LTA4H: variants seen among roughly 807,000 people sequenced by gnomAD.
LTA4H encodes leukotriene A4 hydrolase, also known as leukotriene A-4 hydrolase.
Under a neutral mutation model 89.8 loss-of-function variants are expected in LTA4H, and 59 were observed. The observed-to-expected ratio is 0.66, with a 90% confidence interval of 0.53 to 0.82. The LOEUF (loss-of-function observed/expected upper bound fraction) is 0.82, where lower values mean the gene tolerates loss of function less well. LTA4H is among the 40% of genes least tolerant of loss of function. The pLI is 0.00. For synonymous variants in LTA4H, 227 were observed against 253.1 expected, an observed-to-expected ratio of 0.90 and a Z score of 0.98; for missense variants, 617 against 727.0, an observed-to-expected ratio of 0.85 and a Z score of 1.74.
intron 16 of LTA4H, among the ~76,000 whole-genome samples, chr12:96,004,181 C>CT (rs1950157495): frequency 6.6e-6 from 1 of 152,126 alleles, no homozygotes; most frequent in Admixed American, 6.5e-5. Flanking sequence ...TCTTCTTAGA[C>CT]TTTTTAGCAT....
Position 96,022,172 on chromosome 12 carries a change from C to T in LTA4H, c.560G>A (p.Arg187Lys). 6.2e-7 allele frequency: 1 copy of T among 1,613,732 alleles called. No individual in the cohort carries two copies. The highest frequency in any genetic ancestry group is 8.5e-7 in the Non-Finnish European group (1 of 1,179,772). The change falls in exon 5 of 19, where the codon AGG becomes AAG. Residue 187 changes from arginine to lysine, a missense_variant. Arg to Lys is a conservative substitution (Grantham distance 26, BLOSUM62 2). This residue lies in a region of LTA4H where 172 missense variants were observed against 244.5 expected (regional missense o/e 0.70). Coordinates refer to ENST00000228740, the MANE Select transcript of LTA4H (RefSeq NM_000895.3). This position sits in a 1 kb window ranked among gnomAD's most constrained non-coding sequence, Gnocchi z 4.0. ...GETPDPEDPSRKIYKFIQKVP... is the reference protein window; with the variant it reads ...GETPDPEDPSKKIYKFIQKVP... ...TTTTTGGATGAATTTGTATATTTTC[C>T]TGCTTGGGTCTTCTGGGTCAGGTGT...
Position 96,027,436 on chromosome 12 carries a change from CT to C in LTA4H, c.411+7del. The stretch of plus-strand genomic sequence containing the variant: ...CTGCATCAGAAATCATTCTGGAATC[CT>C]TTTTACCTGGCACTGACTAAAGAGA... On this transcript the variant is annotated splice_region_variant and intron_variant, in intron 3 of 18. Coordinates refer to ENST00000228740, the MANE Select transcript of LTA4H (RefSeq NM_000895.3). 2.5e-6 allele frequency: 4 copies of C among 1,569,268 alleles called. No individual in the cohort carries two copies. Among genetic ancestry groups the C allele is most frequent in the South Asian group, 1.2e-5 (1 of 82,832 alleles).
Position 96,033,717 on chromosome 12 carries a change from C to T in LTA4H, c.159+1644G>A, listed in dbSNP as rs567277129. ...ATGCTATCCCTCCCCTAGGCCCCTA[C>T]CCCCAACAGGCCCTGGTGTGTGATG... On this transcript the variant is annotated intron_variant, in intron 1 of 18. Coordinates refer to ENST00000228740, the MANE Select transcript of LTA4H (RefSeq NM_000895.3). Among the ~76,000 whole-genome samples, 3 of 152,298 alleles carry T rather than the reference C, an allele frequency of 2.0e-5. No homozygotes were observed. The East Asian group carries it at 5.8e-4, about 29-fold the overall frequency.
At chr12:96,025,888 T>C (rs760484639) in intron 3 of LTA4H, among the ~76,000 whole-genome samples, 2 of 151,530 alleles carry the variant, frequency 1.3e-5, no homozygotes, top group Non-Finnish European at 2.9e-5. Context: ...AATAAGTCTG[T>C]CTACTGCTGG....
intron 10 of LTA4H, among the ~76,000 whole-genome samples, chr12:96,016,068 C>T (rs946510166): frequency 6.6e-6 from 1 of 152,194 alleles, no homozygotes; most frequent in Non-Finnish European, 1.5e-5. Context: ...AATCCTAGCA[C>T]TTTGGGAGGC....
At position 96,013,180 on chromosome 12, in the gene LTA4H, G is replaced by T. The variant is rs1950328705; in HGVS notation, c.1379+8C>A. 5 of 1,609,646 alleles carry T rather than the reference G, an allele frequency of 3.1e-6. No individual in the cohort carries two copies. The African/African-American group carries it at 4.0e-5, about 13-fold the overall frequency. On this transcript the variant is annotated splice_region_variant and intron_variant, in intron 14 of 18. Transcript: ENST00000228740. ...TGAGAAGGAAAGCATTAGCAGGCAAGTACTTACTTGGGCTTTATGGGAGGC... is the reference window on the plus strand; with the variant it reads ...TGAGAAGGAAAGCATTAGCAGGCAATTACTTACTTGGGCTTTATGGGAGGC...
intron 4 of LTA4H, 67 bp downstream of exon 4, chr12:96,024,412 G>T: frequency 1.1e-6 from 1 of 918,088 alleles, no homozygotes. Context: ...TATCATCTCT[G>T]CTTATCATTT....
chr12:96,027,602 T>A, intron 2 of LTA4H, 38 bp from the exon 3 acceptor site: 1 of 1,374,160 alleles, frequency 7.3e-7, no homozygotes, highest in Non-Finnish European at 1.0e-6. Context: ...AGAGTATGAT[T>A]CCATCTAGTG....
chr12:96,019,583 CTATTT>C (rs1341991147), intron 6 of LTA4H, among the ~76,000 whole-genome samples: 4 of 140,302 alleles, frequency 2.9e-5, no homozygotes, highest in African/African-American at 1.1e-4. Context: ...TCATAAGAAA[CTATTT>C]TTTTTTTTTT....
At chr12:96,033,150 T>C (rs896193210) in intron 1 of LTA4H, among the ~76,000 whole-genome samples, 2 of 152,244 alleles carry the variant, frequency 1.3e-5, no homozygotes. Context: ...CAAAGGTAAG[T>C]GTGAGGTCAC....
At chr12:96,040,167 C>A (rs1950677625), upstream of LTA4H, among the ~76,000 whole-genome samples, 1 of 152,266 alleles carries the variant, frequency 6.6e-6, no homozygotes, top group Admixed American at 6.5e-5. Flanking sequence ...GCAGATTTTT[C>A]AGGTGGACTT....
chr12:96,000,995 C>T lies in LTA4H; in HGVS notation c.1830G>A (p.Val610=). 5.0e-6 allele frequency: 8 copies of T among 1,608,296 alleles called. No individual in the cohort carries two copies. Among genetic ancestry groups the T allele is most frequent in the Non-Finnish European group, 6.8e-6 (8 of 1,174,804 alleles). Residue 610 remains valine (V), a synonymous_variant, in exon 19 of 19, where the codon GTG becomes GTA. Coordinates refer to ENST00000228740, the MANE Select transcript of LTA4H (RefSeq NM_000895.3). The stretch of plus-strand genomic sequence containing the variant: ...ATCATCAATACGCAGGTCTTTAATC[C>T]ACTTTTAAGTCTTTCCCCACCAGCA... ...TAMLVGKDLK[V]D is the part of the protein sequence containing the mutation.
rs765321462 is a variant in LTA4H at position 96,035,472 on chromosome 12, G to T, written c.48C>A (p.Val16=). ...GCAGGTGCAGGTGCTTGGTCCGGCAGACGGAAGCCGGAGAGGCCAACGAAC... is the reference window on the plus strand; with the variant it reads ...GCAGGTGCAGGTGCTTGGTCCGGCATACGGAAGCCGGAGAGGCCAACGAAC... ...DTCSLASPAS[V]CRTKHLHLRC... Residue 16 remains valine (V), a synonymous_variant, in exon 1 of 19, where the codon GTC becomes GTA. Transcript: ENST00000228740. 2.4e-5 allele frequency: 39 copies of T among 1,609,106 alleles called. No individual in the cohort carries two copies. Among genetic ancestry groups the T allele is most frequent in the Non-Finnish European group, 3.2e-5 (38 of 1,177,912 alleles).
chr12:96,015,004 A>G lies in LTA4H; in HGVS notation c.1060-5T>C. The G allele has an allele frequency of 6.2e-7, 1 of 1,607,116 alleles. No individual in the cohort carries two copies. The highest frequency in any genetic ancestry group is 1.1e-5 in the South Asian group (1 of 89,020). The stretch of plus-strand genomic sequence containing the variant: ...TGTCTCCCCAAATGTCTTTACCTGC[A>G]AGACATGAAATAACATGGAGAAACA... On this transcript the variant is annotated splice_region_variant and splice_polypyrimidine_tract_variant and intron_variant, in intron 11 of 18. Transcript: ENST00000228740.
rs891060810 is a variant in LTA4H, at chr12:96,017,442, T to C, written c.876+115A>G. 4.7e-5 allele frequency: 39 copies of C among 832,454 alleles called. No individual in the cohort carries two copies. In the East Asian group the frequency reaches 9.2e-4, roughly 20 times the overall value. 51.6% of individuals were successfully genotyped at this position (832,454 alleles called of 1,614,324 possible). ...CTAATTGTTAATAATGTGAGAAGAGTCCCCAAATTGTCCATTATAACCATA... is the reference window on the plus strand; with the variant it reads ...CTAATTGTTAATAATGTGAGAAGAGCCCCCAAATTGTCCATTATAACCATA... On this transcript the variant is annotated intron_variant, in intron 9 of 18. Transcript: ENST00000228740.
chr12:96,004,294 C>G (rs940444243), intron 16 of LTA4H, among the ~76,000 whole-genome samples: 1 of 152,086 alleles, frequency 6.6e-6, no homozygotes, highest in African/African-American at 2.4e-5. Context: ...AATCATAGTT[C>G]CTTAATTTTT....
intron 8 of LTA4H, 144 bp downstream of exon 8, chr12:96,018,619 G>A (rs1361098939): frequency 1.7e-5 from 8 of 460,940 alleles, no homozygotes; most frequent in Non-Finnish European, 2.5e-5. Flanking sequence ...AAGGTTACAC[G>A]AACAAGAGAA....
rs1206079592 is a variant in LTA4H, at chr12:96,035,556, C to T, written c.-37G>A. Reference sequence around the variant, plus strand: ...ATCACACAGCACAGCGACCTACAGCCCAACGCTCAGCTACCAGACTCGTCG... The same window carrying T: ...ATCACACAGCACAGCGACCTACAGCTCAACGCTCAGCTACCAGACTCGTCG... On this transcript the variant is annotated 5_prime_UTR_variant, in exon 1 of 19. Coordinates refer to ENST00000228740, the MANE Select transcript of LTA4H (RefSeq NM_000895.3). 7.0e-6 allele frequency: 11 copies of T among 1,561,946 alleles called. No individual in the cohort carries two copies. The highest frequency in any genetic ancestry group is 9.6e-6 in the Non-Finnish European group (11 of 1,147,962).
At chr12:96,037,588 TGAAGA>T (rs1214103857), upstream of LTA4H, among the ~76,000 whole-genome samples, 2 of 150,986 alleles carry the variant, frequency 1.3e-5, no homozygotes, top group African/African-American at 2.4e-5. Context: ...GATTGAGCAA[TGAAGA>T]GAAGAGGGAG....
Sources: gnomAD v4.1 joint callset for allele counts (sites outside exome capture counted in the v4.1 genomes callset) on GRCh38, gnomAD v4.1.1 for gene constraint, gnomAD v4.1.1 regional missense constraint, Gnocchi (gnomAD v3.1) non-coding constraint, MANE v1.5 for transcripts, NCBI Gene and HGNC (gene_info 2026-07-23, HGNC 2026-07-21) for gene names.